The following ACAP1 variants were observed in gnomAD, a reference collection of about 807,000 sequenced individuals.
ACAP1 encodes the protein ArfGAP with coiled-coil, ankyrin repeat and PH domains 1, also known as arf-GAP with coiled-coil, ANK repeat and PH domain-containing protein 1.
A neutral mutation model predicts 98.8 loss-of-function variants in ACAP1; 45 were observed. That is an observed-to-expected ratio of 0.46 (90% CI 0.36 to 0.58). ACAP1 has a LOEUF of 0.58. ACAP1 is among the 20% of genes least tolerant of loss of function. The probability of loss-of-function intolerance (pLI) is 0.00; values close to 1 mark genes in which losing one functional copy is unlikely to be tolerated. For synonymous variants in ACAP1, 362 were observed against 375.3 expected (o/e 0.96, Z 0.41); for missense variants, 735 against 971.4 (o/e 0.76, Z 3.24).
Position 7,344,128 on chromosome 17 carries a change from G to A in ACAP1, c.744+5G>A. 6.4e-7 allele frequency: 1 copy of A among 1,566,030 alleles called. No homozygotes were observed. The highest frequency in any genetic ancestry group is 8.7e-7 in the Non-Finnish European group (1 of 1,155,074). On this transcript the variant is annotated splice_donor_5th_base_variant and intron_variant, in intron 9 of 21. Transcript: ENST00000158762. The surrounding 1 kb of genome is among the most constrained non-coding windows in gnomAD (Gnocchi z 4.9). ...CACGTGCTGCTGAAACAGAAGGTGA[G>A]GGGCCAGGTGCGGTGGCCCACGACC...
chr17:7,341,778 A>G (rs2073281934), intron 2 of ACAP1, among the ~76,000 whole-genome samples, 170 bp from the exon 3 acceptor site: 1 of 152,206 alleles, frequency 6.6e-6, no homozygotes, highest in Non-Finnish European at 1.5e-5. Flanking sequence ...AGAACACAGC[A>G]GGTATGTGTT....
At chr17:7,342,165 C>T in intron 3 of ACAP1, 98 bp downstream of exon 3, 1 of 1,607,532 alleles carries the variant, frequency 6.2e-7, no homozygotes, top group Non-Finnish European at 8.5e-7. Flanking sequence ...GGTTCCAGGC[C>T]ACAGCAGGGC....
chr17:7,343,625 G>T lies in ACAP1; in HGVS notation c.528+63G>T. ...CTCAAGTGTCACCTCGAGGCTTGGG[G>T]GTCTCCAGTGTGCAGTGGGAAGGGG... On this transcript the variant is annotated intron_variant, in intron 6 of 21. Transcript: ENST00000158762. This position sits in a 1 kb window ranked among gnomAD's most constrained non-coding sequence, Gnocchi z 4.9. The T allele has an allele frequency of 6.3e-7, 1 of 1,595,164 alleles. No homozygotes were observed. Among genetic ancestry groups the T allele is most frequent in the Non-Finnish European group, 8.6e-7 (1 of 1,168,132 alleles).
chr17:7,350,393 A>T lies in ACAP1; in HGVS notation c.2072+156A>T. ...CCAGCGCCGGGGCCAGGCTCGAGAA[A>T]GGCTGCGCGAAGTGTGCACTGGGAC... On this transcript the variant is annotated intron_variant, in intron 20 of 21. Transcript: ENST00000158762. This position sits in a 1 kb window ranked among gnomAD's most constrained non-coding sequence, Gnocchi z 4.6. The T allele has an allele frequency of 2.0e-6, 1 of 512,488 alleles. No individual in the cohort carries two copies. The highest frequency in any genetic ancestry group is 3.4e-6 in the Non-Finnish European group (1 of 291,010). The allele number at this position is 512,488 out of a possible 1,614,324, so 31.7% of individuals were successfully genotyped here. A position where few individuals can be genotyped will look rare whatever the true frequency, so the allele number is the denominator to read the frequency against.
chr17:7,342,556 A>G, intron 5 of ACAP1, 82 bp downstream of exon 5: 1 of 1,486,044 alleles, frequency 6.7e-7, no homozygotes, highest in South Asian at 1.1e-5. Context: ...GCTTGAGCCC[A>G]GGAGTTGGAC....
rs757483635 is a variant in ACAP1, at chr17:7,349,121, AT to A, written c.1806del (p.Asn602LysfsTer10). ...CATGGAGCTGATGTCAACTGGGTCA[AT>A]GGGGGCCAAGATAATGCCACACCGC... Reference protein sequence around the residue: ...LAHGADVNWVNGGQDNATPLI... With the variant: ...LAHGADVNWVXGGQDNATPLI... On this transcript the variant is annotated frameshift_variant, in exon 18 of 22. Transcript: ENST00000158762. LOFTEE classifies it high-confidence loss of function. 1 of 1,613,966 alleles carries A rather than the reference AT, an allele frequency of 6.2e-7. No individual in the cohort carries two copies. The highest frequency in any genetic ancestry group is 8.5e-7 in the Non-Finnish European group (1 of 1,179,988).
rs1434663443 is a variant in ACAP1, at chr17:7,344,983, GAAGA to G, written c.854+340_854+343del. ...ATCTGGGGGAAGAAAGTTCTAGACAGAAGAAAGAGCCAGTGCCAAGGCCCTGAGA... is the reference window on the plus strand; with the variant it reads ...ATCTGGGGGAAGAAAGTTCTAGACAGAAGAGCCAGTGCCAAGGCCCTGAGA... On this transcript the variant is annotated intron_variant, in intron 10 of 21. Transcript: ENST00000158762. The surrounding 1 kb of genome is among the most constrained non-coding windows in gnomAD (Gnocchi z 4.9). Among the ~76,000 whole-genome samples the G allele has an allele frequency of 6.6e-6, 1 of 152,116 alleles. No individual in the cohort carries two copies. Among genetic ancestry groups the G allele is most frequent in the East Asian group, 1.9e-4 (1 of 5,198 alleles).
At chr17:7,351,082 C>A in intron 21 of ACAP1, 83 bp downstream of exon 21, 1 of 1,365,894 alleles carries the variant, frequency 7.3e-7, no homozygotes, top group Non-Finnish European at 1.0e-6. Flanking sequence ...CTCCCTAGTG[C>A]CCAGCTGCAT....
At position 7,350,987 on chromosome 17, in the gene ACAP1, C is replaced by G; in HGVS notation, c.2110C>G (p.Gln704Glu). 1 of 1,614,192 alleles carries G rather than the reference C, an allele frequency of 6.2e-7. No individual in the cohort carries two copies. The highest frequency in any genetic ancestry group is 8.5e-7 in the Non-Finnish European group (1 of 1,180,022). ...AAAGATGAGGGAGGCTGAAGCGGCC[C>G]AGGGGCAGGCAGGTAAAGAATACAC... ...LAKMREAEAA[Q>E]GQAGDETYLD... Residue 704 changes from glutamine (Q) to glutamate (E), a missense_variant, in exon 21 of 22, where the codon CAG becomes GAG. Around this residue, in one of 5 missense-constraint regions of ACAP1, gnomAD observed 142 missense variants for 224.1 expected, o/e 0.63. Transcript: ENST00000158762. The surrounding 1 kb of genome is among the most constrained non-coding windows in gnomAD (Gnocchi z 4.6).
chr17:7,350,185 A>G lies in ACAP1; in HGVS notation c.2020A>G (p.Arg674Gly), dbSNP rs944273624. ...ADLGARDSEG[R>G]DPLTIAMETA... ...TCTGGGGGCTCGAGACTCTGAAGGC[A>G]GGGACCCTCTGACCATCGCCATGGA... The change falls in exon 20 of 22, where the codon AGG becomes GGG. Residue 674 changes from arginine to glycine, a missense_variant. Coordinates refer to ENST00000158762, the MANE Select transcript of ACAP1 (RefSeq NM_014716.4). The surrounding 1 kb of genome is among the most constrained non-coding windows in gnomAD (Gnocchi z 4.6). 5 of 1,614,058 alleles carry G rather than the reference A, an allele frequency of 3.1e-6. No individual in the cohort carries two copies. The African/African-American group carries it at 6.7e-5, about 22-fold the overall frequency.
In ACAP1 at chr17:7,342,034, G is replaced by GGCCC; in HGVS notation, c.202_205dup (p.Leu69ProfsTer65). ...CCTTCGTTGTCGGCATTTGTGACCT[G>GGCCC]GCCCGCCTGGGTCCACCAGAGCCCA... On this transcript the variant is annotated frameshift_variant, in exon 3 of 22. Coordinates refer to ENST00000158762, the MANE Select transcript of ACAP1 (RefSeq NM_014716.4). LOFTEE classifies it high-confidence loss of function. 6.2e-7 allele frequency: 1 copy of GGCCC among 1,614,136 alleles called. No individual in the cohort carries two copies. The highest frequency in any genetic ancestry group is 8.5e-7 in the Non-Finnish European group (1 of 1,180,030).
In ACAP1 at chr17:7,343,318, G is replaced by C; in HGVS notation, c.345-61G>C. On this transcript the variant is annotated intron_variant, in intron 5 of 21. Coordinates refer to ENST00000158762, the MANE Select transcript of ACAP1 (RefSeq NM_014716.4). This position sits in a 1 kb window ranked among gnomAD's most constrained non-coding sequence, Gnocchi z 4.9. ...AAAGGACATGAGGGCTTTACCCTGG[G>C]AATGCTCTGCTGGGGCAGGTGGGTG... The C allele has an allele frequency of 6.5e-7, 1 of 1,530,134 alleles. No homozygotes were observed. Among genetic ancestry groups the C allele is most frequent in the Admixed American group, 1.9e-5 (1 of 53,572 alleles). 94.8% of individuals were successfully genotyped at this position (1,530,134 alleles called of 1,614,324 possible).
rs2073397717 is a variant in ACAP1, at chr17:7,350,648, G to T, written c.2073-302G>T. 1 of 383,160 alleles carries T rather than the reference G, an allele frequency of 2.6e-6. No homozygotes were observed. 23.7% of individuals were successfully genotyped at this position (383,160 alleles called of 1,614,324 possible). A position where few individuals can be genotyped will look rare whatever the true frequency, so the allele number is the denominator to read the frequency against. The stretch of plus-strand genomic sequence containing the variant: ...TTTTGAGACGGAGTCTCACTCTGTC[G>T]CCCAGGCTAGAGTGCAGGGGCGCGA... On this transcript the variant is annotated intron_variant, in intron 20 of 21. Transcript: ENST00000158762. This position sits in a 1 kb window ranked among gnomAD's most constrained non-coding sequence, Gnocchi z 4.6.
Position 7,347,172 on chromosome 17 carries a change from G to A in ACAP1, c.1273G>A (p.Glu425Lys), listed in dbSNP as rs749843922. The A allele has an allele frequency of 2.5e-6, 4 of 1,614,024 alleles. No homozygotes were observed. In the South Asian group the frequency reaches 3.3e-5, roughly 13 times the overall value. Residue 425 changes from glutamate (E) to lysine (K), a missense_variant, in exon 14 of 22, where the codon GAG becomes AAG. Physicochemically the swap from Glu to Lys is moderately conservative, Grantham distance 56. Transcript: ENST00000158762. ...DGNAQCCDCREPAPEWASINL... is the reference protein window; with the variant it reads ...DGNAQCCDCRKPAPEWASINL... ...CAATGCCCAGTGCTGCGACTGCCGG[G>A]AGCCAGCCCCGGAGTGGGCCAGCAT...
Position 7,336,690 on chromosome 17 carries a change from G to T in ACAP1, c.-45G>T. 1 of 1,611,418 alleles carries T rather than the reference G, an allele frequency of 6.2e-7. No homozygotes were observed. Among genetic ancestry groups the T allele is most frequent in the Non-Finnish European group, 8.5e-7 (1 of 1,177,972 alleles). ...AAGTGCCTCCACCTGCATCCCCAGG[G>T]GCCCGGCCTCCAGGGCCCGCTGGCC... On this transcript the variant is annotated 5_prime_UTR_variant, in exon 1 of 22. Coordinates refer to ENST00000158762, the MANE Select transcript of ACAP1 (RefSeq NM_014716.4).
At chr17:7,337,786 G>A (rs1012512173) in intron 2 of ACAP1, among the ~76,000 whole-genome samples, 5 of 152,108 alleles carry the variant, frequency 3.3e-5, no homozygotes, top group Non-Finnish European at 4.4e-5. Context: ...CCTGGGAGGC[G>A]GAGGTTGCAG....
chr17:7,351,197 G>A (rs2073406511), intron 21 of ACAP1, 98 bp from the exon 22 acceptor site: 1 of 1,192,080 alleles, frequency 8.4e-7, no homozygotes, highest in East Asian at 2.5e-5. Context: ...TTCCCACCCA[G>A]GCTCGGAGCG....
chr17:7,350,865 C>T lies in ACAP1; in HGVS notation c.2073-85C>T, dbSNP rs112256382. 27 of 1,366,958 alleles carry T rather than the reference C, an allele frequency of 2.0e-5. No homozygotes were observed. In the African/African-American group the frequency reaches 3.0e-4, roughly 15 times the overall value. 84.7% of individuals were successfully genotyped at this position (1,366,958 alleles called of 1,614,324 possible). ...GACCTCGTGATCCGCCTGCCTCGGC[C>T]TCCCAAAGTGTTGGGATTACAGGCG... On this transcript the variant is annotated intron_variant, in intron 20 of 21. Coordinates refer to ENST00000158762, the MANE Select transcript of ACAP1 (RefSeq NM_014716.4). The surrounding 1 kb of genome is among the most constrained non-coding windows in gnomAD (Gnocchi z 4.6).
At chr17:7,351,243 G>C in intron 21 of ACAP1, 52 bp from the exon 22 acceptor site, 3 of 1,477,854 alleles carry the variant, frequency 2.0e-6, no homozygotes, top group Non-Finnish European at 2.8e-6. Flanking sequence ...GCCGGATCCT[G>C]CCCTTCTGCA....
Sources: allele counts gnomAD v4.1 joint callset (sites outside exome capture counted in the v4.1 genomes callset), GRCh38; gene constraint gnomAD v4.1.1; regional missense constraint gnomAD v4.1.1; non-coding constraint Gnocchi (gnomAD v3.1); transcripts MANE v1.5; gene names NCBI Gene and HGNC (gene_info 2026-07-23, HGNC 2026-07-21).